Variants in MPP4 observed in about 807,000 individuals in gnomAD.
MPP4 encodes the protein MAGUK p55 subfamily member 4.
MPP4 carries 91 observed loss-of-function variants against 98.3 expected under a neutral mutation model. The observed-to-expected ratio is 0.93, with a 90% confidence interval of 0.78 to 1.10. The LOEUF (loss-of-function observed/expected upper bound fraction) is 1.10, where lower values mean the gene tolerates loss of function less well. MPP4 is among the 50% of genes least tolerant of loss of function. The pLI is 0.00. For missense variants in MPP4, 744 were observed against 792.9 expected, an observed-to-expected ratio of 0.94 and a Z score of 0.74; for synonymous variants, 261 against 271.8, an observed-to-expected ratio of 0.96 and a Z score of 0.39.
intron 1 of MPP4, among the ~76,000 whole-genome samples, chr2:201,696,571 T>C (rs1324644064): frequency 6.6e-6 from 1 of 152,326 alleles, no homozygotes; most frequent in Admixed American, 6.5e-5. Flanking sequence ...ATTTCTGCCA[T>C]ATTTAATGCC....
chr2:201,658,558 C>A, intron 15 of MPP4, 40 bp from the exon 16 acceptor site: 2 of 1,570,088 alleles, frequency 1.3e-6, no homozygotes, highest in Admixed American at 1.8e-5. Context: ...TATGTGAGAG[C>A]GAGAAGTTTA....
At chr2:201,690,398 G>A (rs903410310) in intron 3 of MPP4, 119 bp from the exon 4 acceptor site, 15 of 574,834 alleles carry the variant, frequency 2.6e-5, no homozygotes, top group Middle Eastern at 2.7e-4. Flanking sequence ...TGCACAGCAC[G>A]GTGTGGTTGG....
intron 16 of MPP4, among the ~76,000 whole-genome samples, chr2:201,656,961 G>A (rs565210725): frequency 1.3e-5 from 2 of 152,348 alleles, no homozygotes; most frequent in South Asian, 4.1e-4. Flanking sequence ...TATGGAAATA[G>A]GGTCAGGGAA....
intron 14 of MPP4, among the ~76,000 whole-genome samples, chr2:201,663,544 T>C (rs549010806): frequency 1.2e-4 from 18 of 152,264 alleles, no homozygotes; most frequent in African/African-American, 3.9e-4. Flanking sequence ...AGTGAGACCC[T>C]GTATCTACAA....
rs1687598383 is a variant in MPP4 at position 201,647,567 on chromosome 2, T to C, written c.1719+124A>G. ...GTAAACCATTTTATTGAGGGCCTTT[T>C]GGAGAGGGGGTCAAAAAGGAGGAGG... is the stretch of plus-strand genomic sequence containing the variant. On this transcript the variant is annotated intron_variant, in intron 21 of 21. Transcript: ENST00000409474. The C allele has an allele frequency of 6.9e-6, 7 of 1,014,854 alleles. No homozygotes were observed. In the South Asian group the frequency reaches 1.1e-4, roughly 16 times the overall value. The allele number at this position is 1,014,854 out of a possible 1,614,324, so 62.9% of individuals were successfully genotyped here. A position where few individuals can be genotyped will look rare whatever the true frequency, so the allele number is the denominator to read the frequency against.
At chr2:201,679,465 T>C (rs1393359131) in intron 10 of MPP4, among the ~76,000 whole-genome samples, 1 of 152,202 alleles carries the variant, frequency 6.6e-6, no homozygotes, top group Admixed American at 6.5e-5. Flanking sequence ...ATTTCTCATT[T>C]CACTGAGAAA....
At chr2:201,648,858 T>C (rs544966913) in intron 20 of MPP4, among the ~76,000 whole-genome samples, 1 of 152,208 alleles carries the variant, frequency 6.6e-6, no homozygotes, top group East Asian at 1.9e-4. Context: ...AGGAGTTCCA[T>C]TGCCAGACCA....
Position 201,675,275 on chromosome 2 carries a change from TGGG to T in MPP4, c.930-7_930-5del. 1 of 1,605,888 alleles carries T rather than the reference TGGG, an allele frequency of 6.2e-7. No homozygotes were observed. Among genetic ancestry groups the T allele is most frequent in the East Asian group, 2.2e-5 (1 of 44,700 alleles). The stretch of plus-strand genomic sequence containing the variant: ...CCACCAGAATTCCCGTTGCTTCCTA[TGGG>T]GGGGAAAAAACCATGCGACAAAAAA... On this transcript the variant is annotated splice_region_variant and splice_polypyrimidine_tract_variant and intron_variant, in intron 10 of 21. Transcript: ENST00000409474.
In MPP4 at chr2:201,680,885, G is replaced by C; in HGVS notation, c.882C>G (p.Asp294Glu). ...ALWWQARKIS[D>E]PATCAGLVPS... is the part of the protein sequence containing the mutation. ...GGACAAGCCCAGCGCAGGTAGCAGG[G>C]TCTGAGATTTTTCGGGCCTGCCACC... The change falls in exon 10 of 22, where the codon GAC becomes GAG. Residue 294 changes from aspartate to glutamate, a missense_variant. Transcript: ENST00000409474. The C allele has an allele frequency of 6.2e-7, 1 of 1,613,660 alleles. No homozygotes were observed. The highest frequency in any genetic ancestry group is 1.1e-5 in the South Asian group (1 of 90,972).
At position 201,683,391 on chromosome 2, in the gene MPP4, C is replaced by T. The variant is rs189563571; in HGVS notation, c.575-475G>A. Among the ~76,000 whole-genome samples, 112 of 152,140 alleles carry T rather than the reference C, an allele frequency of 7.4e-4. 1 individual carries two copies. The highest frequency in any genetic ancestry group is 2.7e-3 in the African/African-American group (110 of 41,498). On this transcript the variant is annotated intron_variant, in intron 7 of 21. Coordinates refer to ENST00000409474, the MANE Select transcript of MPP4 (RefSeq NM_033066.3). ...GTGGAATGGTGTTATAGAACAGAAA[C>T]GAAGCATGATAAAAAATTCAAGAAA...
intron 10 of MPP4, among the ~76,000 whole-genome samples, chr2:201,677,406 C>T (rs1688535843): frequency 6.6e-6 from 1 of 152,154 alleles, no homozygotes. Flanking sequence ...TTCCAAACTC[C>T]TTTAGATGGG....
chr2:201,646,142 C>A (rs1687553420), intron 21 of MPP4, among the ~76,000 whole-genome samples: 1 of 152,118 alleles, frequency 6.6e-6, no homozygotes, highest in African/African-American at 2.4e-5. Context: ...CCTCAACTTC[C>A]CGTGTGAACT....
chr2:201,650,891 C>T (rs1463836398), intron 18 of MPP4: 7 of 985,244 alleles, frequency 7.1e-6, no homozygotes, highest in Non-Finnish European at 8.4e-6. Context: ...GACTCTTCAA[C>T]TTAAATAGTG....
intron 20 of MPP4, among the ~76,000 whole-genome samples, chr2:201,648,223 A>G (rs939590211): frequency 6.6e-6 from 1 of 152,106 alleles, no homozygotes; most frequent in African/African-American, 2.4e-5. Context: ...GGGTTTCACT[A>G]TGTTGCCCAG....
chr2:201,687,438 C>A, intron 4 of MPP4, 67 bp from the exon 5 acceptor site: 2 of 1,224,784 alleles, frequency 1.6e-6, no homozygotes, highest in South Asian at 1.3e-5. Context: ...TAACCTCACC[C>A]AGGCTGGATA....
At chr2:201,691,871 A>G (rs1008519068) in intron 3 of MPP4, among the ~76,000 whole-genome samples, 13 of 152,202 alleles carry the variant, frequency 8.5e-5, no homozygotes, top group Non-Finnish European at 1.6e-4. Context: ...AACTGTAGAT[A>G]TTTTACTTTC....
chr2:201,659,444 G>GA (rs1369149965), intron 15 of MPP4, among the ~76,000 whole-genome samples: 2 of 152,014 alleles, frequency 1.3e-5, no homozygotes, highest in African/African-American at 4.8e-5. Flanking sequence ...GAGATCTCAG[G>GA]AAAAAACTCC....
intron 18 of MPP4, 83 bp from the exon 19 acceptor site, chr2:201,650,248 CA>C (rs1687679665): frequency 6.8e-7 from 1 of 1,473,902 alleles, no homozygotes; most frequent in African/African-American, 1.4e-5. Flanking sequence ...GATATCTAAT[CA>C]AAATAAATAA....
At position 201,681,028 on chromosome 2, in the gene MPP4, C is replaced by A. The variant is rs750194898; in HGVS notation, c.739G>T (p.Val247Phe). Residue 247 changes from valine to phenylalanine, a missense_variant, in exon 10 of 22, where the codon GTC becomes TTC. By Grantham distance (50) the Val-to-Phe change is conservative. Coordinates refer to ENST00000409474, the MANE Select transcript of MPP4 (RefSeq NM_033066.3). ...PPVNSQQMVY[V>F]RAMTEYWPQE... is the part of the protein sequence containing the mutation. ...GGCCAGTACTCAGTCATGGCACGGACGTACACCTGATGGCAGGTGCATAAT... is the reference window on the plus strand; with the variant it reads ...GGCCAGTACTCAGTCATGGCACGGAAGTACACCTGATGGCAGGTGCATAAT... 1.2e-6 allele frequency: 2 copies of A among 1,610,272 alleles called. No homozygotes were observed. The highest frequency in any genetic ancestry group is 2.2e-5 in the South Asian group (2 of 90,958).
Sources: allele counts gnomAD v4.1 joint callset (sites outside exome capture counted in the v4.1 genomes callset), GRCh38; gene constraint gnomAD v4.1.1; transcripts MANE v1.5; gene names NCBI Gene and HGNC (gene_info 2026-07-23, HGNC 2026-07-21).